The following TMEM182 variants were observed in gnomAD, a reference collection of about 807,000 sequenced individuals.
The protein encoded by TMEM182 is transmembrane protein 182.
Under a neutral mutation model 26.8 loss-of-function variants are expected in TMEM182, and 20 were observed. That is an observed-to-expected ratio of 0.75 (90% confidence interval 0.53 to 1.09). The LOEUF (loss-of-function observed/expected upper bound fraction) is 1.09. Among genes scored for constraint, TMEM182 ranks in the 50% least tolerant of loss-of-function variants. The pLI, the probability that TMEM182 is intolerant of heterozygous loss-of-function variation, is 0.00. For missense variants in TMEM182, 277 were observed against 275.5 expected (o/e 1.01, Z -0.04); for synonymous variants, 109 against 102.2 (o/e 1.07, Z -0.40).
chr2:102,797,822 G>T, intron 3 of TMEM182, 41 bp from the exon 4 acceptor site: 1 of 1,589,768 alleles, frequency 6.3e-7, no homozygotes, highest in Non-Finnish European at 8.5e-7. Flanking sequence ...CAATCTAAGT[G>T]TATTTTTCTT....
At chr2:102,838,012 C>T (rs1428697203) in intron 3 of TMEM182, among the ~76,000 whole-genome samples, 5 of 152,208 alleles carry the variant, frequency 3.3e-5, no homozygotes, top group African/African-American at 9.7e-5. Context: ...CCCTTCTCAG[C>T]GCCAGGCCCT....
intron 4 of TMEM182, among the ~76,000 whole-genome samples, chr2:102,803,698 G>A (rs2540279): frequency 0.54 from 82,392 of 152,032 alleles, 22,922 homozygotes; most frequent in African/African-American, 0.66. Flanking sequence ...TTTGGCTGAG[G>A]CTGAACATGT....
intron 3 of TMEM182, among the ~76,000 whole-genome samples, chr2:102,767,998 T>C (rs1203822974): frequency 6.6e-6 from 1 of 152,128 alleles, no homozygotes. Context: ...TTCATTTTTC[T>C]AACAGAGCGG....
At chr2:102,841,853 T>C (rs1228240824) in intron 3 of TMEM182, among the ~76,000 whole-genome samples, 1 of 152,232 alleles carries the variant, frequency 6.6e-6, no homozygotes, top group Non-Finnish European at 1.5e-5. Context: ...ATTCAGATTC[T>C]TGCTTCCATC....
chr2:102,746,608 C>A (rs1679705976), intron 1 of TMEM182, among the ~76,000 whole-genome samples: 1 of 151,346 alleles, frequency 6.6e-6, no homozygotes, highest in Non-Finnish European at 1.5e-5. Flanking sequence ...TTTTTTTTTT[C>A]TCCAAGATGG....
At chr2:102,828,772 G>T (rs1373167314) in intron 3 of TMEM182, among the ~76,000 whole-genome samples, 1 of 152,144 alleles carries the variant, frequency 6.6e-6, no homozygotes, top group Non-Finnish European at 1.5e-5. Context: ...GGAGTGAGTG[G>T]GTCATGCTGC....
At chr2:102,737,197 G>C (rs990053724) in intron 1 of TMEM182, among the ~76,000 whole-genome samples, 4 of 152,302 alleles carry the variant, frequency 2.6e-5, no homozygotes, top group African/African-American at 9.6e-5. Context: ...CCACCAGTTG[G>C]TTGTGACAGA....
chr2:102,801,822 G>A (rs1175605509), intron 4 of TMEM182, among the ~76,000 whole-genome samples: 8 of 152,332 alleles, frequency 5.3e-5, no homozygotes, highest in Admixed American at 4.6e-4. Flanking sequence ...GGCTATGCCT[G>A]TTGCTGCCTC....
downstream of TMEM182, among the ~76,000 whole-genome samples, chr2:102,820,597 G>A (rs1235399521): frequency 6.6e-6 from 1 of 152,156 alleles, no homozygotes; most frequent in African/African-American, 2.4e-5. Context: ...TACATAAAGG[G>A]GCTAACTGGG....
rs550135940 is a variant in TMEM182, at chr2:102,810,474, G to A, written c.470-4274G>A. Among the ~76,000 whole-genome samples the A allele has an allele frequency of 6.6e-5, 10 of 152,200 alleles. No homozygotes were observed. The East Asian group carries it at 1.9e-3, about 29-fold the overall frequency. ...GGCCATTTGTCACTAAATTTTACGT[G>A]CCCTTTGTTTCAGAAAGAGAAAACA... On this transcript the variant is annotated intron_variant, in intron 4 of 4. Transcript: ENST00000412401.
At chr2:102,774,272 T>G (rs1680813054) in intron 3 of TMEM182, among the ~76,000 whole-genome samples, 1 of 147,388 alleles carries the variant, frequency 6.8e-6, no homozygotes, top group South Asian at 2.2e-4. Context: ...TTTTTTTTTT[T>G]GGTGACAGAA....
chr2:102,748,720 G>C (rs748758889), intron 1 of TMEM182, among the ~76,000 whole-genome samples: 3 of 152,042 alleles, frequency 2.0e-5, no homozygotes, highest in Non-Finnish European at 4.4e-5. Flanking sequence ...TTTTCTTCTC[G>C]TCTTTTTCTC....
intron 3 of TMEM182, among the ~76,000 whole-genome samples, chr2:102,841,708 A>C (rs955407642): frequency 2.0e-5 from 3 of 152,206 alleles, no homozygotes; most frequent in African/African-American, 7.2e-5. Flanking sequence ...AGATAGCTCC[A>C]TTTCAAGGTG....
intron 3 of TMEM182, among the ~76,000 whole-genome samples, chr2:102,839,299 A>G (rs1683304289): frequency 6.6e-6 from 1 of 151,988 alleles, no homozygotes; most frequent in African/African-American, 2.4e-5. Flanking sequence ...AAGGAGATAG[A>G]GCAATTTGCA....
At chr2:102,772,683 G>A (rs900515904) in intron 3 of TMEM182, among the ~76,000 whole-genome samples, 6 of 152,048 alleles carry the variant, frequency 3.9e-5, no homozygotes, top group South Asian at 4.1e-4. Flanking sequence ...AAGAACACTC[G>A]GGCAGGCTTC....
chr2:102,840,373 A>C (rs1198771164), intron 3 of TMEM182, among the ~76,000 whole-genome samples: 1 of 152,174 alleles, frequency 6.6e-6, no homozygotes, highest in Non-Finnish European at 1.5e-5. Flanking sequence ...TGCAGCACAT[A>C]TTCCAGGAAA....
In TMEM182 at chr2:102,817,602, C is replaced by T. The variant is rs1682799555; in HGVS notation, c.*2634C>T. 2.0e-6 allele frequency: 2 copies of T among 980,712 alleles called. No homozygotes were observed. Among genetic ancestry groups the T allele is most frequent in the African/African-American group, 1.8e-5 (1 of 57,100 alleles). 60.8% of individuals were successfully genotyped at this position (980,712 alleles called of 1,614,324 possible). On this transcript the variant is annotated 3_prime_UTR_variant, in exon 5 of 5. Coordinates refer to ENST00000412401, the MANE Select transcript of TMEM182 (RefSeq NM_144632.5). Reference sequence around the variant, plus strand: ...AGTGTGTTGTTAGTATTCATTTAGTCATTTTTATTACTAATCTATAAATAT... The same window carrying T: ...AGTGTGTTGTTAGTATTCATTTAGTTATTTTTATTACTAATCTATAAATAT...
intron 4 of TMEM182, among the ~76,000 whole-genome samples, chr2:102,814,536 T>G (rs1467157927): frequency 6.6e-6 from 1 of 152,236 alleles, no homozygotes; most frequent in Non-Finnish European, 1.5e-5. Flanking sequence ...ATTGCTGTTC[T>G]TAGGCTACTA....
intron 1 of TMEM182, among the ~76,000 whole-genome samples, chr2:102,751,769 C>T (rs1679883267): frequency 1.3e-5 from 2 of 152,146 alleles, no homozygotes; most frequent in Admixed American, 1.3e-4. Context: ...AGGGCTCAAG[C>T]GATCCTCCTG....
Sources: gnomAD v4.1 joint callset for allele counts (sites outside exome capture counted in the v4.1 genomes callset) on GRCh38, gnomAD v4.1.1 for gene constraint, MANE v1.5 for transcripts, NCBI Gene and HGNC (gene_info 2026-07-23, HGNC 2026-07-21) for gene names.